The following SHQ1 variants were observed in gnomAD, a reference collection of about 807,000 sequenced individuals.
SHQ1 encodes the protein SHQ1, H/ACA ribonucleoprotein assembly factor.
SHQ1 carries 49 observed loss-of-function variants against 53.8 expected under a neutral mutation model. The ratio of observed to expected loss-of-function variants is 0.91; its 90% CI spans 0.72 to 1.16. SHQ1 has a LOEUF of 1.16. Ranked by LOEUF, SHQ1 falls within the 50% of genes most tolerant of loss-of-function variation. The pLI, the probability that SHQ1 is intolerant of heterozygous loss-of-function variation, is 0.00. For missense variants in SHQ1, 738 were observed against 683.1 expected (o/e 1.08, Z -0.90); for synonymous variants, 243 against 251.0 (o/e 0.97, Z 0.30).
intron 9 of SHQ1, among the ~76,000 whole-genome samples, 161 bp downstream of exon 9, chr3:72,812,508 CAT>C (rs1452593211): frequency 6.6e-6 from 1 of 152,178 alleles, no homozygotes. Context: ...TACTTATCTA[CAT>C]ATGTCTTATA....
chr3:72,793,258 A>T (rs1031468252), intron 9 of SHQ1: 14 of 361,718 alleles, frequency 3.9e-5, no homozygotes, highest in African/African-American at 3.0e-4. Context: ...CTGTAATTCC[A>T]GCACTTTGGG....
chr3:72,840,050 C>A (rs932979462), intron 4 of SHQ1, among the ~76,000 whole-genome samples: 26 of 151,966 alleles, frequency 1.7e-4, no homozygotes, highest in Non-Finnish European at 3.1e-4. Flanking sequence ...ACCACCACAT[C>A]CGGCTAATTT....
chr3:72,725,416 G>A, the SHQ1 span, among the ~76,000 whole-genome samples: 34 of 152,078 alleles, frequency 2.2e-4, 1 homozygote, highest in African/African-American at 5.8e-4. Context: ...CTTGCTGCTC[G>A]CTCTGTGGAA....
chr3:72,847,101 G>A (rs1176076779), intron 1 of SHQ1, among the ~76,000 whole-genome samples: 1 of 152,118 alleles, frequency 6.6e-6, no homozygotes, highest in African/African-American at 2.4e-5. Flanking sequence ...ATGAGGGCAG[G>A]ACTTTGTCTT....
At chr3:72,793,072 A>G (rs1370776381) in intron 9 of SHQ1, 36 bp from the exon 10 acceptor site, 5 of 1,551,916 alleles carry the variant, frequency 3.2e-6, no homozygotes, top group Non-Finnish European at 4.4e-6. Context: ...ATTATCCTTA[A>G]GAAAAAGAAA....
At chr3:72,818,698 T>C (rs1707386612) in intron 6 of SHQ1, among the ~76,000 whole-genome samples, 1 of 152,160 alleles carries the variant, frequency 6.6e-6, no homozygotes, top group Non-Finnish European at 1.5e-5. Flanking sequence ...ACCAAGGCAA[T>C]GGGACAGTCA....
chr3:72,736,792 C>CAAAA, the SHQ1 span, among the ~76,000 whole-genome samples: 1 of 105,338 alleles, frequency 9.5e-6, no homozygotes, highest in African/African-American at 3.8e-5. Flanking sequence ...GACTCCGTTT[C>CAAAA]AAAAAAAAAA....
chr3:72,750,929 C>T, intron 10 of SHQ1, 93 bp from the exon 11 acceptor site: 1 of 1,080,978 alleles, frequency 9.3e-7, no homozygotes. Flanking sequence ...AAAGTTGAAT[C>T]CATATTTTAA....
chr3:72,833,507 C>CAGACAGAT (rs1707897986), intron 4 of SHQ1, among the ~76,000 whole-genome samples: 1 of 46,448 alleles, frequency 2.2e-5, no homozygotes, highest in African/African-American at 5.2e-5. Flanking sequence ...GATAGACAGA[C>CAGACAGAT]AGACAGACAG....
chr3:72,774,745 C>T (rs1188367877), intron 10 of SHQ1, among the ~76,000 whole-genome samples: 1 of 152,066 alleles, frequency 6.6e-6, no homozygotes, highest in Admixed American at 6.6e-5. Context: ...AACAAACTTC[C>T]AAAATGTAGA....
At chr3:72,737,973 T>C in the SHQ1 span, among the ~76,000 whole-genome samples, 1 of 152,226 alleles carries the variant, frequency 6.6e-6, no homozygotes, top group Non-Finnish European at 1.5e-5. Context: ...GGCCCACAAG[T>C]GGATGTGTCT....
chr3:72,847,826 C>G (rs1708395846), intron 1 of SHQ1, among the ~76,000 whole-genome samples: 1 of 152,058 alleles, frequency 6.6e-6, no homozygotes, highest in Non-Finnish European at 1.5e-5. Context: ...TCAGCGCGCG[C>G]CGTTCCCAGG....
intron 10 of SHQ1, among the ~76,000 whole-genome samples, chr3:72,781,592 T>C (rs1342589986): frequency 6.6e-6 from 1 of 152,062 alleles, no homozygotes; most frequent in Non-Finnish European, 1.5e-5. Flanking sequence ...AGAGACCATA[T>C]CATCAGGAGT....
At chr3:72,748,329 C>CCAAA (rs1705291548), downstream of SHQ1, among the ~76,000 whole-genome samples, 2 of 58,760 alleles carry the variant, frequency 3.4e-5, no homozygotes, top group Non-Finnish European at 6.1e-5. Context: ...ATGAGGCATG[C>CCAAA]AAAAAAAAAA....
chr3:72,774,458 A>G (rs922988074), intron 10 of SHQ1, among the ~76,000 whole-genome samples: 3 of 151,006 alleles, frequency 2.0e-5, no homozygotes, highest in African/African-American at 7.4e-5. Flanking sequence ...TAATCTCAAC[A>G]AATTTCTAAA....
chr3:72,842,508 C>A (rs1708205815), intron 2 of SHQ1, 106 bp from the exon 3 acceptor site: 4 of 1,015,194 alleles, frequency 3.9e-6, no homozygotes, highest in Non-Finnish European at 5.6e-6. Context: ...GCAGGAGGAT[C>A]ATTTTAGCCC....
At chr3:72,816,958 C>T (rs1469326282) in intron 7 of SHQ1, among the ~76,000 whole-genome samples, 1 of 152,170 alleles carries the variant, frequency 6.6e-6, no homozygotes, top group East Asian at 1.9e-4. Flanking sequence ...GAGTAGCCTT[C>T]CTCTCTACTC....
intron 10 of SHQ1, among the ~76,000 whole-genome samples, chr3:72,752,067 A>G (rs914234585): frequency 1.3e-5 from 2 of 152,184 alleles, no homozygotes; most frequent in African/African-American, 4.8e-5. Context: ...GAAACAGCCA[A>G]ATGTCCTTGT....
intron 10 of SHQ1, among the ~76,000 whole-genome samples, chr3:72,787,148 C>G (rs1333638041): frequency 6.6e-6 from 1 of 152,170 alleles, no homozygotes; most frequent in Non-Finnish European, 1.5e-5. Context: ...ATAGCTGTTT[C>G]CCTCTACAAA....
Sources: gnomAD v4.1 joint callset for allele counts (sites outside exome capture counted in the v4.1 genomes callset) on GRCh38, gnomAD v4.1.1 for gene constraint, MANE v1.5 for transcripts, NCBI Gene and HGNC (gene_info 2026-07-23, HGNC 2026-07-21) for gene names.